The following NR3C1 variants were observed in gnomAD, a reference collection of about 807,000 sequenced individuals.
NR3C1 encodes the protein glucocorticoid receptor.
Under a neutral mutation model 74.0 loss-of-function variants are expected in NR3C1, and 14 were observed. The ratio of observed to expected loss-of-function variants is 0.19; its 90% confidence interval spans 0.12 to 0.30. NR3C1 has a LOEUF of 0.30. Among genes scored for constraint, NR3C1 ranks in the 10% least tolerant of loss-of-function variants. NR3C1 has a pLI of 1.00. For synonymous variants in NR3C1, 308 were observed against 332.5 expected, an observed-to-expected ratio of 0.93 and a Z score of 0.80; for missense variants, 695 against 909.8, an observed-to-expected ratio of 0.76 and a Z score of 3.04.
intron 7 of NR3C1, among the ~76,000 whole-genome samples, chr5:143,293,419 G>A (rs1301172094): frequency 6.6e-6 from 1 of 152,168 alleles, no homozygotes; most frequent in Non-Finnish European, 1.5e-5. Context: ...ATTGGGTACA[G>A]TGTACACTGC....
intron 2 of NR3C1, among the ~76,000 whole-genome samples, chr5:143,393,529 T>C (rs1289329589): frequency 6.6e-6 from 1 of 152,072 alleles, no homozygotes; most frequent in Non-Finnish European, 1.5e-5. Context: ...ATCAAATTCT[T>C]TGGAAGGGAT....
At chr5:143,383,461 TATATAAAC>T (rs773042830) in intron 2 of NR3C1, among the ~76,000 whole-genome samples, 3 of 151,446 alleles carry the variant, frequency 2.0e-5, no homozygotes, top group Non-Finnish European at 4.4e-5. Context: ...AAATTAGAAA[TATATAAAC>T]AGTATTAATT....
chr5:143,321,199 C>T (rs930726877), intron 2 of NR3C1, among the ~76,000 whole-genome samples: 1 of 152,166 alleles, frequency 6.6e-6, no homozygotes, highest in Non-Finnish European at 1.5e-5. Context: ...CTTTTTCCAA[C>T]AAGGTATCTC....
intron 2 of NR3C1, among the ~76,000 whole-genome samples, chr5:143,340,217 T>C (rs1452338608): frequency 6.6e-6 from 1 of 152,154 alleles, no homozygotes; most frequent in African/African-American, 2.4e-5. Flanking sequence ...ATAAACTAAA[T>C]ATCTGACTAA....
upstream of NR3C1, chr5:143,404,288 C>T (rs986989116): frequency 5.1e-5 from 50 of 985,466 alleles, no homozygotes; most frequent in African/African-American, 8.6e-4. Context: ...CGCAGCGTCT[C>T]GGCCGCGCTC....
chr5:143,331,275 G>C (rs1434255253), intron 2 of NR3C1, among the ~76,000 whole-genome samples: 1 of 152,134 alleles, frequency 6.6e-6, no homozygotes, highest in Non-Finnish European at 1.5e-5. Flanking sequence ...TAAAAAGTCA[G>C]AAAATAATAG....
Position 143,400,301 on chromosome 5 carries a change from T to C in NR3C1, c.539A>G (p.Asn180Ser), listed in dbSNP as rs146524172. The C allele has an allele frequency of 5.0e-6, 8 of 1,608,820 alleles. No individual in the cohort carries two copies. Among genetic ancestry groups the C allele is most frequent in the South Asian group, 1.1e-5 (1 of 90,670 alleles). Reference protein sequence around the residue: ...LKGQTGTNGGNVKLYTTDQST... With the variant: ...LKGQTGTNGGSVKLYTTDQST... Reference sequence around the variant, plus strand: ...TTGGTCTGTGGTATACAATTTCACATTGCCACCGTTGGTGCCAGTCTGGCC... The same window carrying C: ...TTGGTCTGTGGTATACAATTTCACACTGCCACCGTTGGTGCCAGTCTGGCC... The change falls in exon 2 of 9, where the codon AAT becomes AGT. Residue 180 changes from asparagine to serine, a missense_variant. Asn to Ser is a conservative substitution (Grantham distance 46). Transcript: ENST00000394464.
At chr5:143,370,402 T>G (rs1183975883) in intron 2 of NR3C1, among the ~76,000 whole-genome samples, 1 of 152,260 alleles carries the variant, frequency 6.6e-6, no homozygotes, top group Admixed American at 6.5e-5. Context: ...ATGCATATCG[T>G]CAGCATTCTT....
intron 1 of NR3C1, among the ~76,000 whole-genome samples, chr5:143,423,206 T>C (rs1426612763): frequency 1.3e-5 from 2 of 152,100 alleles, no homozygotes; most frequent in Non-Finnish European, 2.9e-5. Context: ...ACTCACAGAA[T>C]GGAATAAAAT....
intron 2 of NR3C1, among the ~76,000 whole-genome samples, chr5:143,326,440 T>TG (rs1245358338): frequency 6.6e-6 from 1 of 152,256 alleles, no homozygotes; most frequent in Non-Finnish European, 1.5e-5. Context: ...ATACTTACTA[T>TG]ATTAAGTCTT....
chr5:143,400,602 T>TG lies in NR3C1; in HGVS notation c.237dup (p.Lys80GlnfsTer22). 6.2e-7 allele frequency: 1 copy of TG among 1,614,276 alleles called. No individual in the cohort carries two copies. The highest frequency in any genetic ancestry group is 8.5e-7 in the Non-Finnish European group (1 of 1,180,048). Reference sequence around the variant, plus strand: ...AGTCCCATTGAGAGTGAAACTGCTTTGGACAGATCTGGCTGCTGCGCATTG... The same window carrying TG: ...AGTCCCATTGAGAGTGAAACTGCTTTGGGACAGATCTGGCTGCTGCGCATTG... On this transcript the variant is annotated frameshift_variant, in exon 2 of 9. Coordinates refer to ENST00000394464, the MANE Select transcript of NR3C1 (RefSeq NM_000176.3). LOFTEE classifies it high-confidence loss of function.
chr5:143,324,379 A>G (rs1824086459), intron 2 of NR3C1, among the ~76,000 whole-genome samples: 1 of 152,146 alleles, frequency 6.6e-6, no homozygotes, highest in Non-Finnish European at 1.5e-5. Flanking sequence ...TGGGGCCTCC[A>G]CCCTCTGAAG....
intron 2 of NR3C1, among the ~76,000 whole-genome samples, chr5:143,384,212 C>T (rs1329386987): frequency 6.6e-6 from 1 of 152,188 alleles, no homozygotes; most frequent in Non-Finnish European, 1.5e-5. Flanking sequence ...GGGAAGTCCA[C>T]CCTTGTGATT....
intron 2 of NR3C1, among the ~76,000 whole-genome samples, chr5:143,319,716 CACA>C (rs1822944124): frequency 6.6e-6 from 1 of 151,806 alleles, no homozygotes; most frequent in South Asian, 2.1e-4. Flanking sequence ...CAGCCCCCAC[CACA>C]AAGAAGTATC....
At chr5:143,351,811 T>C (rs950756705) in intron 2 of NR3C1, among the ~76,000 whole-genome samples, 7 of 152,210 alleles carry the variant, frequency 4.6e-5, no homozygotes, top group Admixed American at 2.0e-4. Context: ...CGATGGTTCC[T>C]AATTGAAAGA....
intron 2 of NR3C1, among the ~76,000 whole-genome samples, chr5:143,343,185 G>C (rs2151751146): frequency 6.6e-6 from 1 of 152,320 alleles, no homozygotes; most frequent in Admixed American, 6.5e-5. Context: ...CAGTATTCTA[G>C]TGCAATGCAG....
chr5:143,305,339 T>G (rs922471097), intron 4 of NR3C1, among the ~76,000 whole-genome samples: 2 of 152,160 alleles, frequency 1.3e-5, no homozygotes, highest in Non-Finnish European at 2.9e-5. Context: ...AGTTTGGAGA[T>G]TCTTCAAAGA....
chr5:143,405,259 G>C, upstream of NR3C1: 4 of 985,802 alleles, frequency 4.1e-6, no homozygotes, highest in Non-Finnish European at 4.8e-6. Flanking sequence ...TCGCTTGCCA[G>C]CTCCTGACAC....
intron 6 of NR3C1, among the ~76,000 whole-genome samples, chr5:143,296,022 G>GTGACAC (rs1310146801): frequency 6.6e-6 from 1 of 152,172 alleles, no homozygotes; most frequent in African/African-American, 2.4e-5. Context: ...ACAAAAATGT[G>GTGACAC]TGACACTGTT....
Sources: allele counts gnomAD v4.1 joint callset (sites outside exome capture counted in the v4.1 genomes callset), GRCh38; gene constraint gnomAD v4.1.1; transcripts MANE v1.5; gene names NCBI Gene and HGNC (gene_info 2026-07-23, HGNC 2026-07-21).